Variants in TECRL observed in about 807,000 individuals in gnomAD.
TECRL encodes the protein trans-2,3-enoyl-CoA reductase like.
A neutral mutation model predicts 52.8 loss-of-function variants in TECRL; 63 were observed. The observed-to-expected ratio is 1.19, with a 90% CI of 0.97 to 1.47. The LOEUF (loss-of-function observed/expected upper bound fraction) is 1.47. Among genes scored for constraint, TECRL ranks in the 40% most tolerant of loss-of-function variants. The probability of loss-of-function intolerance (pLI) is 0.00; values close to 1 mark genes in which losing one functional copy is unlikely to be tolerated. For synonymous variants in TECRL, 164 were observed against 141.9 expected, an observed-to-expected ratio of 1.16 and a Z score of -1.10; for missense variants, 482 against 429.6, an observed-to-expected ratio of 1.12 and a Z score of -1.08.
chr4:64,357,384 A>T (rs1396659261), intron 2 of TECRL, among the ~76,000 whole-genome samples: 1 of 151,596 alleles, frequency 6.6e-6, no homozygotes. Context: ...TGAAAAATAA[A>T]TAGAAGAGAT....
At chr4:64,318,516 T>C (rs938582939) in intron 4 of TECRL, among the ~76,000 whole-genome samples, 1 of 151,946 alleles carries the variant, frequency 6.6e-6, no homozygotes, top group African/African-American at 2.4e-5. Context: ...TAAAGCAAGG[T>C]AAATAAAAAT....
At chr4:64,388,216 A>C in intron 1 of TECRL, among the ~76,000 whole-genome samples, 1 of 85,446 alleles carries the variant, frequency 1.2e-5, no homozygotes, top group East Asian at 4.4e-4. Flanking sequence ...GATGAGTCTA[A>C]ATCCTTTTTT....
chr4:64,360,257 A>T (rs74473830), intron 2 of TECRL, among the ~76,000 whole-genome samples: 4 of 151,906 alleles, frequency 2.6e-5, no homozygotes, highest in Non-Finnish European at 5.9e-5. Flanking sequence ...TACCCACTTA[A>T]TTTTTTTAAA....
chr4:64,405,868 G>T (rs1360302219), intron 1 of TECRL, among the ~76,000 whole-genome samples: 1 of 152,076 alleles, frequency 6.6e-6, no homozygotes. Context: ...TAAGGAGGAG[G>T]CGATTAACAG....
At chr4:64,341,554 G>A (rs1157171080) in intron 2 of TECRL, among the ~76,000 whole-genome samples, 2 of 152,022 alleles carry the variant, frequency 1.3e-5, no homozygotes, top group Non-Finnish European at 2.9e-5. Flanking sequence ...TCAGTGAGCT[G>A]AGATCACATC....
At chr4:64,383,539 G>A (rs1030771747) in intron 1 of TECRL, among the ~76,000 whole-genome samples, 3 of 151,608 alleles carry the variant, frequency 2.0e-5, no homozygotes, top group African/African-American at 7.3e-5. Flanking sequence ...CTAGTCTATT[G>A]TGGAAGCTCT....
chr4:64,408,480 A>G (rs1167592570), intron 1 of TECRL, among the ~76,000 whole-genome samples: 3 of 151,972 alleles, frequency 2.0e-5, no homozygotes. Context: ...TAAGAAGAGT[A>G]TATTTTCTCA....
At chr4:64,302,979 T>A (rs1158717885) in intron 7 of TECRL, among the ~76,000 whole-genome samples, 2 of 151,366 alleles carry the variant, frequency 1.3e-5, no homozygotes, top group African/African-American at 2.4e-5. Context: ...TTTTTAAGAA[T>A]TTTTTTGTGC....
chr4:64,310,180 A>T (rs1035592843), intron 5 of TECRL, among the ~76,000 whole-genome samples: 1 of 152,198 alleles, frequency 6.6e-6, no homozygotes, highest in Non-Finnish European at 1.5e-5. Flanking sequence ...TTATAATACC[A>T]GTCATAAACT....
At chr4:64,332,144 T>C (rs1334782016) in intron 2 of TECRL, among the ~76,000 whole-genome samples, 1 of 152,164 alleles carries the variant, frequency 6.6e-6, no homozygotes. Context: ...TATCTGTTTA[T>C]ATTGGAAGAA....
intron 10 of TECRL, 140 bp downstream of exon 10, chr4:64,281,333 AT>A (rs1722817533): frequency 3.3e-6 from 2 of 607,286 alleles, no homozygotes; most frequent in Non-Finnish European, 5.7e-6. Flanking sequence ...GAAATGTTCT[AT>A]TTTGTTATAC....
At chr4:64,338,526 C>T (rs1719299526) in intron 2 of TECRL, among the ~76,000 whole-genome samples, 1 of 152,132 alleles carries the variant, frequency 6.6e-6, no homozygotes, top group Non-Finnish European at 1.5e-5. Flanking sequence ...TTTTTGCAAT[C>T]TGCTCATCTG....
chr4:64,282,516 G>T (rs1419320930), intron 9 of TECRL, among the ~76,000 whole-genome samples: 4 of 151,836 alleles, frequency 2.6e-5, no homozygotes, highest in African/African-American at 9.7e-5. Flanking sequence ...TGTTATTACT[G>T]ATTTTTTACA....
chr4:64,278,183 GA>G lies in TECRL; in HGVS notation c.*1888del, dbSNP rs1298067112. On this transcript the variant is annotated 3_prime_UTR_variant, in exon 12 of 12. Transcript: ENST00000381210. ...ATATTTCAAAATATATATTTAGAATGATTTTCAAATAATCTACAGAAAATAT... is the reference window on the plus strand; with the variant it reads ...ATATTTCAAAATATATATTTAGAATGTTTTCAAATAATCTACAGAAAATAT... 4 of 151,354 alleles carry G rather than the reference GA, an allele frequency of 2.6e-5. No individual in the cohort carries two copies. Among genetic ancestry groups the G allele is most frequent in the Non-Finnish European group, 5.9e-5 (4 of 67,694 alleles). The allele number at this position is 151,354 out of a possible 1,614,324, so 9.4% of individuals were successfully genotyped here.
chr4:64,393,427 C>T (rs981162923), intron 1 of TECRL, among the ~76,000 whole-genome samples: 1 of 151,908 alleles, frequency 6.6e-6, no homozygotes, highest in Non-Finnish European at 1.5e-5. Flanking sequence ...CTGCCTTATC[C>T]ATCAGAATCT....
chr4:64,281,460 C>A lies in TECRL; in HGVS notation c.918+14G>T. The A allele has an allele frequency of 6.7e-7, 1 of 1,488,712 alleles. No homozygotes were observed. Among genetic ancestry groups the A allele is most frequent in the Middle Eastern group, 1.7e-4 (1 of 5,778 alleles). 92.2% of individuals were successfully genotyped at this position (1,488,712 alleles called of 1,614,324 possible). A position where few individuals can be genotyped will look rare whatever the true frequency, so the allele number is the denominator to read the frequency against. On this transcript the variant is annotated intron_variant, in intron 10 of 11. Coordinates refer to ENST00000381210, the MANE Select transcript of TECRL (RefSeq NM_001010874.5). ...TGAATAGGATTCAAGCATTTACATACATAAATAACATACCTCATAGGTGTA... is the reference window on the plus strand; with the variant it reads ...TGAATAGGATTCAAGCATTTACATAAATAAATAACATACCTCATAGGTGTA...
At chr4:64,338,105 C>T (rs1430332884) in intron 2 of TECRL, among the ~76,000 whole-genome samples, 4 of 152,026 alleles carry the variant, frequency 2.6e-5, no homozygotes, top group Admixed American at 6.6e-5. Context: ...TGGAACAGAA[C>T]AGAGCCCTCA....
chr4:64,405,036 T>A (rs1021857260), intron 1 of TECRL, among the ~76,000 whole-genome samples: 1 of 152,090 alleles, frequency 6.6e-6, no homozygotes, highest in South Asian at 2.1e-4. Context: ...GATATTTTTG[T>A]GCTTATATAC....
At chr4:64,357,865 A>G (rs1179203173) in intron 2 of TECRL, among the ~76,000 whole-genome samples, 2 of 151,722 alleles carry the variant, frequency 1.3e-5, no homozygotes, top group African/African-American at 4.8e-5. Context: ...TTACATGTAT[A>G]TTAATTCATA....
Sources: allele counts gnomAD v4.1 joint callset (sites outside exome capture counted in the v4.1 genomes callset), GRCh38; gene constraint gnomAD v4.1.1; transcripts MANE v1.5; gene names NCBI Gene and HGNC (gene_info 2026-07-23, HGNC 2026-07-21).